The following RBBP4 variants were observed in gnomAD, a reference collection of about 807,000 sequenced individuals.
RBBP4 encodes the protein histone-binding protein RBBP4.
A neutral mutation model predicts 57.2 loss-of-function variants in RBBP4; 3 were observed. The observed-to-expected ratio is 0.05, with a 90% confidence interval of 0.02 to 0.14. The LOEUF (loss-of-function observed/expected upper bound fraction) is 0.14, where lower values mean the gene tolerates loss of function less well. Ranked by LOEUF, RBBP4 falls within the 10% of genes least tolerant of loss-of-function variation. The pLI is 1.00. For missense variants in RBBP4, 107 were observed against 520.6 expected (o/e 0.21, Z 7.73); for synonymous variants, 151 against 171.5 (o/e 0.88, Z 0.93).
In RBBP4 at chr1:32,680,556, A is replaced by G; in HGVS notation, c.*851A>G. On this transcript the variant is annotated 3_prime_UTR_variant, in exon 12 of 12. Coordinates refer to ENST00000373493, the MANE Select transcript of RBBP4 (RefSeq NM_005610.3). ...AGTCCTTGACCACTAGTTTGATGCCATCTCCATTTTGGGTGACCTGTTTCA... is the reference window on the plus strand; with the variant it reads ...AGTCCTTGACCACTAGTTTGATGCCGTCTCCATTTTGGGTGACCTGTTTCA... 2 of 1,540,992 alleles carry G rather than the reference A, an allele frequency of 1.3e-6. No individual in the cohort carries two copies. The highest frequency in any genetic ancestry group is 1.8e-6 in the Non-Finnish European group (2 of 1,139,842).
At position 32,651,263 on chromosome 1, in the gene RBBP4, C is replaced by G; in HGVS notation, c.-44C>G. The G allele has an allele frequency of 2.7e-6, 4 of 1,508,082 alleles. No homozygotes were observed. Among genetic ancestry groups the G allele is most frequent in the South Asian group, 1.2e-5 (1 of 81,184 alleles). 93.4% of individuals were successfully genotyped at this position (1,508,082 alleles called of 1,614,324 possible). ...AGCTCTTGCAGCCTCCCCGCCCCTC[C>G]CGCAACGCTCGACCCCAGGATTCCC... On this transcript the variant is annotated 5_prime_UTR_variant, in exon 1 of 12. Coordinates refer to ENST00000373493, the MANE Select transcript of RBBP4 (RefSeq NM_005610.3).
intron 11 of RBBP4, among the ~76,000 whole-genome samples, chr1:32,673,208 CA>C (rs964659308): frequency 6.6e-6 from 1 of 152,118 alleles, no homozygotes; most frequent in Non-Finnish European, 1.5e-5. Context: ...CTTGAAAACT[CA>C]AGAATTTTCC....
intron 11 of RBBP4, among the ~76,000 whole-genome samples, chr1:32,675,612 AC>A (rs1434329513): frequency 3.3e-5 from 5 of 151,404 alleles, no homozygotes; most frequent in Admixed American, 1.3e-4. Flanking sequence ...TACTAAAAAT[AC>A]AAAAAATTAG....
chr1:32,676,729 TG>T (rs1489758367), intron 11 of RBBP4, among the ~76,000 whole-genome samples: 49 of 152,232 alleles, frequency 3.2e-4, no homozygotes, highest in African/African-American at 1.2e-3. Flanking sequence ...ATGTGTAACT[TG>T]AAAACAGAAA....
At chr1:32,672,765 C>T (rs367873300) in intron 10 of RBBP4, 26 bp from the exon 11 acceptor site, 2 of 1,607,114 alleles carry the variant, frequency 1.2e-6, no homozygotes, top group Non-Finnish European at 1.7e-6. Context: ...CTGCATTTCA[C>T]CTCTTTGTTT....
rs544436031 is a variant in RBBP4, at chr1:32,672,425, CTCTTT to C, written c.967-20_967-16del. 1,724 of 1,507,444 alleles carry C rather than the reference CTCTTT, an allele frequency of 1.1e-3. 2 individuals are homozygous for C. Among genetic ancestry groups the C allele is most frequent in the Non-Finnish European group, 1.4e-3 (1,597 of 1,105,606 alleles). 93.4% of individuals were successfully genotyped at this position (1,507,444 alleles called of 1,614,324 possible). On this transcript the variant is annotated intron_variant, in intron 8 of 11. Transcript: ENST00000373493. The stretch of plus-strand genomic sequence containing the variant: ...CTTTATTTTCTAATTCATGGCTTTG[CTCTTT>C]TCTTCATTCCTATGTGTAGGTTCAG...
At chr1:32,653,039 G>A (rs2148514528) in intron 2 of RBBP4, among the ~76,000 whole-genome samples, 1 of 152,308 alleles carries the variant, frequency 6.6e-6, no homozygotes, top group African/African-American at 2.4e-5. Context: ...TTTGGGCATA[G>A]TGAGGGCTAA....
chr1:32,667,827 A>G (rs1295148027), intron 3 of RBBP4, among the ~76,000 whole-genome samples: 1 of 152,224 alleles, frequency 6.6e-6, no homozygotes, highest in African/African-American at 2.4e-5. Context: ...ATCTTCTCAT[A>G]TACTTTAAAA....
At chr1:32,668,201 C>A in intron 3 of RBBP4, 24 bp from the exon 4 acceptor site, 1 of 1,600,858 alleles carries the variant, frequency 6.2e-7, no homozygotes, top group South Asian at 1.1e-5. Context: ...GTTTTGTCCT[C>A]ATTTGCAATT....
In RBBP4 at chr1:32,668,179, AG is replaced by A. The variant is rs745983936; in HGVS notation, c.311-45del. ...TGTTCTTATACTCTGGGTAACCTCT[AG>A]AGTAGCTCTTGTTTTGTCCTCATTT... On this transcript the variant is annotated intron_variant, in intron 3 of 11. Coordinates refer to ENST00000373493, the MANE Select transcript of RBBP4 (RefSeq NM_005610.3). 165 of 1,555,148 alleles carry A rather than the reference AG, an allele frequency of 1.1e-4. No homozygotes were observed. The African/African-American group carries it at 2.0e-3, about 18-fold the overall frequency.
intron 2 of RBBP4, among the ~76,000 whole-genome samples, chr1:32,655,684 AAATGG>A (rs760977362): frequency 1.3e-5 from 2 of 152,168 alleles, no homozygotes; most frequent in Non-Finnish European, 2.9e-5. Context: ...GACATGTTGT[AAATGG>A]AATTATTCCT....
At chr1:32,679,377 T>C (rs977896152) in intron 11 of RBBP4, among the ~76,000 whole-genome samples, 2 of 152,162 alleles carry the variant, frequency 1.3e-5, no homozygotes, top group Non-Finnish European at 2.9e-5. Flanking sequence ...CACACTGCAG[T>C]TTTGTGGGAA....
rs1428799972 is a variant in RBBP4, at chr1:32,682,922, T to C, written c.*3217T>C. 2 of 152,096 alleles carry C rather than the reference T, an allele frequency of 1.3e-5. No homozygotes were observed. Among genetic ancestry groups the C allele is most frequent in the Admixed American group, 6.6e-5 (1 of 15,266 alleles). The allele number at this position is 152,096 out of a possible 1,614,324, so 9.4% of individuals were successfully genotyped here. On this transcript the variant is annotated 3_prime_UTR_variant, in exon 12 of 12. Coordinates refer to ENST00000373493, the MANE Select transcript of RBBP4 (RefSeq NM_005610.3). ...TTTATCAGAATATACTGGTAAAACA[T>C]TGGGGGAGGGATCCTGAGTAGGTGA...
At chr1:32,674,287 G>C (rs1031166469) in intron 11 of RBBP4, among the ~76,000 whole-genome samples, 9 of 137,408 alleles carry the variant, frequency 6.5e-5, no homozygotes, top group African/African-American at 2.3e-4. Flanking sequence ...AGGCTACAGT[G>C]CAGTGGTGCG....
chr1:32,683,784 C>T lies in RBBP4; in HGVS notation c.*4079C>T. 2.1e-6 allele frequency: 1 copy of T among 478,430 alleles called. No individual in the cohort carries two copies. Among genetic ancestry groups the T allele is most frequent in the South Asian group, 2.1e-5 (1 of 46,856 alleles). The allele number at this position is 478,430 out of a possible 1,614,324, so 29.6% of individuals were successfully genotyped here. A position where few individuals can be genotyped will look rare whatever the true frequency, so the allele number is the denominator to read the frequency against. ...AGTAGCTGGGATTATAAGTGCCTGCCACTATGCCCGGCTAATTTTTGTATT... is the reference window on the plus strand; with the variant it reads ...AGTAGCTGGGATTATAAGTGCCTGCTACTATGCCCGGCTAATTTTTGTATT... On this transcript the variant is annotated 3_prime_UTR_variant, in exon 12 of 12. Transcript: ENST00000373493.
chr1:32,668,475 C>A (rs987021321), intron 4 of RBBP4, 77 bp downstream of exon 4: 5 of 1,353,676 alleles, frequency 3.7e-6, no homozygotes, highest in Non-Finnish European at 5.1e-6. Context: ...AGTTTAATTG[C>A]ATGTTACTCT....
chr1:32,657,020 A>G (rs538288488), intron 2 of RBBP4, among the ~76,000 whole-genome samples: 1 of 152,250 alleles, frequency 6.6e-6, no homozygotes, highest in Admixed American at 6.5e-5. Context: ...TCTTGCCTGT[A>G]ATCTCTGCAC....
intron 11 of RBBP4, among the ~76,000 whole-genome samples, chr1:32,676,905 T>C (rs2148532749): frequency 6.6e-6 from 1 of 152,018 alleles, no homozygotes; most frequent in East Asian, 1.9e-4. Flanking sequence ...ATGGCGCCAC[T>C]GCACTCCAGC....
rs1385094566 is a variant in RBBP4, at chr1:32,681,603, G to A, written c.*1898G>A. 1 of 593,736 alleles carries A rather than the reference G, an allele frequency of 1.7e-6. No homozygotes were observed. Among genetic ancestry groups the A allele is most frequent in the Admixed American group, 3.1e-5 (1 of 32,682 alleles). 36.8% of individuals were successfully genotyped at this position (593,736 alleles called of 1,614,324 possible). On this transcript the variant is annotated 3_prime_UTR_variant, in exon 12 of 12. Transcript: ENST00000373493. Reference sequence around the variant, plus strand: ...AGGAGGCTCATCTTTCCTTTCCTTGGTGCATTGAGATCAGTATCAACAGCA... The same window carrying A: ...AGGAGGCTCATCTTTCCTTTCCTTGATGCATTGAGATCAGTATCAACAGCA...
Sources: allele counts gnomAD v4.1 joint callset (sites outside exome capture counted in the v4.1 genomes callset), GRCh38; gene constraint gnomAD v4.1.1; transcripts MANE v1.5; gene names NCBI Gene and HGNC (gene_info 2026-07-23, HGNC 2026-07-21).